The following KCTD16 variants were observed in gnomAD, a reference collection of about 807,000 sequenced individuals.
KCTD16 encodes the protein BTB/POZ domain-containing protein KCTD16.
Under a neutral mutation model 33.2 loss-of-function variants are expected in KCTD16, and 13 were observed. The ratio of observed to expected loss-of-function variants is 0.39; its 90% CI spans 0.25 to 0.62. The LOEUF (loss-of-function observed/expected upper bound fraction) is 0.62, where lower values mean the gene tolerates loss of function less well. Among genes scored for constraint, KCTD16 ranks in the 20% least tolerant of loss-of-function variants. The probability of loss-of-function intolerance (pLI) is 0.50; values close to 1 mark genes in which losing one functional copy is unlikely to be tolerated. For synonymous variants in KCTD16, 197 were observed against 195.3 expected (o/e 1.01, Z -0.07); for missense variants, 441 against 525.1 (o/e 0.84, Z 1.57).
At chr5:144,345,536 G>T (rs1461333148) in intron 3 of KCTD16, among the ~76,000 whole-genome samples, 1 of 151,654 alleles carries the variant, frequency 6.6e-6, no homozygotes, top group Non-Finnish European at 1.5e-5. Context: ...AAACCTTTTG[G>T]GTTTTTCTTC....
intron 3 of KCTD16, among the ~76,000 whole-genome samples, chr5:144,299,094 A>ATGTG (rs1305042753): frequency 5.4e-4 from 9 of 16,568 alleles, no homozygotes; most frequent in Non-Finnish European, 9.7e-4. Context: ...ATATATCACT[A>ATGTG]TGTATATATA....
chr5:144,471,414 T>C (rs748770383), intron 3 of KCTD16, among the ~76,000 whole-genome samples: 10 of 152,330 alleles, frequency 6.6e-5, no homozygotes, highest in African/African-American at 2.4e-4. Context: ...CTTCTCTTCT[T>C]CCTTTTTGTA....
chr5:144,467,041 TA>T (rs1754355916), intron 3 of KCTD16, among the ~76,000 whole-genome samples: 1 of 59,860 alleles, frequency 1.7e-5, no homozygotes, highest in African/African-American at 4.9e-5. Context: ...ATATTATATA[TA>T]ATATATATAA....
intron 2 of KCTD16, chr5:144,205,495 C>A (rs1325766706): frequency 5.0e-6 from 2 of 398,526 alleles, no homozygotes; most frequent in Non-Finnish European, 8.8e-6. Flanking sequence ...GCCTCTGGCT[C>A]GCACCGGCTC....
intron 3 of KCTD16, among the ~76,000 whole-genome samples, chr5:144,253,074 T>A (rs1055615186): frequency 6.6e-6 from 1 of 152,056 alleles, no homozygotes; most frequent in African/African-American, 2.4e-5. Flanking sequence ...TTTAGATATA[T>A]CCATATGGAA....
At chr5:144,299,057 TA>T (rs1561558143) in intron 3 of KCTD16, among the ~76,000 whole-genome samples, 9 of 92,000 alleles carry the variant, frequency 9.8e-5, no homozygotes, top group African/African-American at 3.3e-4. Context: ...TATATATATA[TA>T]TATATATATA....
chr5:144,370,989 G>A (rs1050038037), intron 3 of KCTD16, among the ~76,000 whole-genome samples: 15 of 151,992 alleles, frequency 9.9e-5, no homozygotes, highest in African/African-American at 3.6e-4. Context: ...AATGAGACCA[G>A]TCCATTTCCT....
chr5:144,356,151 A>G (rs1751566231), intron 3 of KCTD16, among the ~76,000 whole-genome samples: 1 of 152,178 alleles, frequency 6.6e-6, no homozygotes, highest in Admixed American at 6.5e-5. Flanking sequence ...AGAAGCTACG[A>G]CGGTCTCACT....
chr5:144,469,851 A>G lies in KCTD16; in HGVS notation c.833-3809A>G, dbSNP rs80141278. Among the ~76,000 whole-genome samples the G allele has an allele frequency of 2.0e-5, 3 of 151,830 alleles. No homozygotes were observed. In the East Asian group the frequency reaches 5.8e-4, roughly 29 times the overall value. On this transcript the variant is annotated intron_variant, in intron 3 of 3. Coordinates refer to ENST00000512467, the MANE Select transcript of KCTD16 (RefSeq NM_020768.4). Reference sequence around the variant, plus strand: ...TGTTATGCAGCAGGCACCAAAAATCATATAATATTCAACAAATTCAGCAAT... The same window carrying G: ...TGTTATGCAGCAGGCACCAAAAATCGTATAATATTCAACAAATTCAGCAAT...
chr5:144,353,380 A>G (rs1307249831), intron 3 of KCTD16, among the ~76,000 whole-genome samples: 1 of 152,230 alleles, frequency 6.6e-6, no homozygotes, highest in Non-Finnish European at 1.5e-5. Flanking sequence ...GAAGCAGTAC[A>G]GTGGTTAAAG....
At chr5:144,400,704 G>C (rs1752684302) in intron 3 of KCTD16, among the ~76,000 whole-genome samples, 1 of 152,120 alleles carries the variant, frequency 6.6e-6, no homozygotes, top group Non-Finnish European at 1.5e-5. Context: ...TAGGAGGCAA[G>C]CAATACCTAA....
chr5:144,275,116 A>G (rs1232541013), intron 3 of KCTD16, among the ~76,000 whole-genome samples: 1 of 152,214 alleles, frequency 6.6e-6, no homozygotes, highest in Non-Finnish European at 1.5e-5. Flanking sequence ...GCTACAGTGT[A>G]GATGCTAAAA....
intron 3 of KCTD16, among the ~76,000 whole-genome samples, chr5:144,239,929 A>G (rs893247605): frequency 2.0e-5 from 3 of 152,142 alleles, no homozygotes; most frequent in Non-Finnish European, 4.4e-5. Context: ...TGTAAAATGC[A>G]TAGTGTCAGC....
chr5:144,347,430 A>C (rs149249313), intron 3 of KCTD16, among the ~76,000 whole-genome samples: 2,412 of 152,286 alleles, frequency 0.016, 36 homozygotes, highest in Middle Eastern at 0.034. Flanking sequence ...CCTCGTCTCT[A>C]CTAAAAATAC....
chr5:144,381,579 A>C (rs1400778784), intron 3 of KCTD16, among the ~76,000 whole-genome samples: 2 of 152,184 alleles, frequency 1.3e-5, no homozygotes, highest in Non-Finnish European at 2.9e-5. Flanking sequence ...TGGCAAAAGC[A>C]GAAGCAAGTG....
At chr5:144,341,235 C>T (rs978662941) in intron 3 of KCTD16, among the ~76,000 whole-genome samples, 4 of 152,166 alleles carry the variant, frequency 2.6e-5, no homozygotes, top group Admixed American at 6.5e-5. Flanking sequence ...CATGACTAAA[C>T]GGCTTCTGTG....
At position 144,460,430 on chromosome 5, in the gene KCTD16, T is replaced by A. The variant is rs138208868; in HGVS notation, c.833-13230T>A. 9.2e-5 allele frequency among the ~76,000 whole-genome samples: 14 copies of A among 152,224 alleles called. No individual in the cohort carries two copies. In the East Asian group the frequency reaches 2.7e-3, roughly 29 times the overall value. On this transcript the variant is annotated intron_variant, in intron 3 of 3. Coordinates refer to ENST00000512467, the MANE Select transcript of KCTD16 (RefSeq NM_020768.4). ...TGTTTTATTTTCTTCATAGCCCTCA[T>A]CACTACTTGACATTTTATTTTATTT...
Position 144,460,369 on chromosome 5 carries a change from C to T in KCTD16, c.833-13291C>T, listed in dbSNP as rs80199113. Reference sequence around the variant, plus strand: ...GCATCTGAACATTATCTATTAACTGCAATCTTCTCAGACCAACTCACTCCA... The same window carrying T: ...GCATCTGAACATTATCTATTAACTGTAATCTTCTCAGACCAACTCACTCCA... On this transcript the variant is annotated intron_variant, in intron 3 of 3. Transcript: ENST00000512467. 2.8e-3 allele frequency among the ~76,000 whole-genome samples: 427 copies of T among 152,290 alleles called. 4 individuals are homozygous for T. Among genetic ancestry groups the T allele is most frequent in the African/African-American group, 9.7e-3 (404 of 41,558 alleles).
intron 3 of KCTD16, among the ~76,000 whole-genome samples, chr5:144,420,797 C>A (rs1054178593): frequency 6.6e-6 from 1 of 152,080 alleles, no homozygotes; most frequent in Admixed American, 6.6e-5. Flanking sequence ...TCTTGGGAAA[C>A]CTATCAAAGG....
Sources: allele counts gnomAD v4.1 joint callset (sites outside exome capture counted in the v4.1 genomes callset), GRCh38; gene constraint gnomAD v4.1.1; transcripts MANE v1.5; gene names NCBI Gene and HGNC (gene_info 2026-07-23, HGNC 2026-07-21).